YEATS2: variants seen among roughly 807,000 people sequenced by gnomAD.
The protein encoded by YEATS2 is YEATS domain containing 2, also known as YEATS domain-containing protein 2.
In YEATS2, 77 loss-of-function variants were observed where a neutral mutation model predicts 163.2. That is an observed-to-expected ratio of 0.47 (90% CI 0.39 to 0.57). The LOEUF is 0.57. YEATS2 is among the 20% of genes least tolerant of loss of function. The pLI, the probability that YEATS2 is intolerant of heterozygous loss-of-function variation, is 0.00. For missense variants in YEATS2, 1,549 were observed against 1,729.8 expected, an observed-to-expected ratio of 0.90 and a Z score of 1.85; for synonymous variants, 631 against 645.1, an observed-to-expected ratio of 0.98 and a Z score of 0.33.
intron 6 of YEATS2, among the ~76,000 whole-genome samples, chr3:183,725,467 A>G (rs1378399311): frequency 6.6e-6 from 1 of 152,140 alleles, no homozygotes; most frequent in African/African-American, 2.4e-5. Context: ...TATAAAGGAA[A>G]GAGGTTTGAT....
At chr3:183,701,138 G>A (rs1714047317) in intron 1 of YEATS2, among the ~76,000 whole-genome samples, 1 of 150,866 alleles carries the variant, frequency 6.6e-6, no homozygotes, top group Non-Finnish European at 1.5e-5. Flanking sequence ...CTGGAGTGCA[G>A]TGGCGCAATC....
intron 26 of YEATS2, 168 bp from the exon 27 acceptor site, chr3:183,803,819 G>GA: frequency 1.5e-6 from 1 of 687,118 alleles, no homozygotes; most frequent in Non-Finnish European, 2.4e-6. Flanking sequence ...TAGCATTAGG[G>GA]AAGTTCGACT....
rs1715674683 is a variant in YEATS2, at chr3:183,714,919, T to G, written c.-19-225T>G. On this transcript the variant is annotated intron_variant, in intron 1 of 30. Coordinates refer to ENST00000305135, the MANE Select transcript of YEATS2 (RefSeq NM_018023.5). ...TAACAGATGATTATGATTTCTTTTT[T>G]TTTTTTGGTGGAAACTTTTAAACTT... 2.0e-5 allele frequency among the ~76,000 whole-genome samples: 3 copies of G among 152,158 alleles called. No homozygotes were observed. In the South Asian group the frequency reaches 6.2e-4, roughly 32 times the overall value.
At chr3:183,779,302 C>T (rs931174129) in intron 19 of YEATS2, among the ~76,000 whole-genome samples, 1 of 152,176 alleles carries the variant, frequency 6.6e-6, no homozygotes, top group Non-Finnish European at 1.5e-5. Flanking sequence ...TTCAAATTAC[C>T]AGCATTTGGT....
chr3:183,702,482 C>T (rs1714199845), intron 1 of YEATS2, among the ~76,000 whole-genome samples: 1 of 151,766 alleles, frequency 6.6e-6, no homozygotes, highest in African/African-American at 2.4e-5. Flanking sequence ...TCTCAAACCC[C>T]TTAAACATCC....
intron 24 of YEATS2, 37 bp downstream of exon 24, chr3:183,800,605 C>T (rs1450279279): frequency 2.0e-5 from 31 of 1,571,122 alleles, no homozygotes; most frequent in African/African-American, 2.7e-5. Flanking sequence ...AATTCCGCTT[C>T]GGGTGTTTGT....
At chr3:183,700,409 A>G (rs770908949) in intron 1 of YEATS2, among the ~76,000 whole-genome samples, 3 of 152,068 alleles carry the variant, frequency 2.0e-5, no homozygotes, top group Admixed American at 1.3e-4. Context: ...CTTCTCATCA[A>G]CTACGGATTT....
Position 183,809,079 on chromosome 3 carries a change from C to A in YEATS2, c.4087-18C>A. The A allele has an allele frequency of 6.2e-7, 1 of 1,613,750 alleles. No homozygotes were observed. Among genetic ancestry groups the A allele is most frequent in the South Asian group, 1.1e-5 (1 of 91,082 alleles). On this transcript the variant is annotated intron_variant, in intron 29 of 30. Transcript: ENST00000305135. ...AAGCAGATGGCCATTTGAAGAATAA[C>A]AGCATCTTCCATTGTAGGCTACAGA...
chr3:183,737,064 T>C (rs562644666), intron 8 of YEATS2, among the ~76,000 whole-genome samples: 1 of 152,334 alleles, frequency 6.6e-6, no homozygotes, highest in African/African-American at 2.4e-5. Flanking sequence ...ACTATATTCT[T>C]ACAATAAAGT....
In YEATS2 at chr3:183,744,408, C is replaced by T. The variant is rs770601423; in HGVS notation, c.925-3264C>T. ...CTGGGATTACAGGCGTGAGCCACTG[C>T]GCCTGGCCAGTTTTACTTTCTTTTA... On this transcript the variant is annotated intron_variant, in intron 8 of 30. Coordinates refer to ENST00000305135, the MANE Select transcript of YEATS2 (RefSeq NM_018023.5). 3.3e-5 allele frequency among the ~76,000 whole-genome samples: 5 copies of T among 152,130 alleles called. No homozygotes were observed. In the South Asian group the frequency reaches 6.2e-4, roughly 19 times the overall value.
intron 11 of YEATS2, among the ~76,000 whole-genome samples, chr3:183,755,713 T>C (rs1720654924): frequency 6.7e-6 from 1 of 149,482 alleles, no homozygotes; most frequent in Non-Finnish European, 1.5e-5. Flanking sequence ...AATCTAGCTG[T>C]TTACTTACTG....
chr3:183,714,857 C>G (rs1715667043), intron 1 of YEATS2, among the ~76,000 whole-genome samples: 1 of 151,300 alleles, frequency 6.6e-6, no homozygotes, highest in African/African-American at 2.4e-5. Context: ...CTACTTTGTT[C>G]AAGGATTTTT....
intron 21 of YEATS2, among the ~76,000 whole-genome samples, chr3:183,797,027 G>T (rs1725213495): frequency 1.3e-5 from 2 of 152,114 alleles, no homozygotes; most frequent in Admixed American, 6.5e-5. Context: ...CCAGCACTTT[G>T]GGAGGCCTAG....
intron 28 of YEATS2, chr3:183,807,539 C>A (rs1008028210): frequency 7.7e-5 from 18 of 234,804 alleles, no homozygotes; most frequent in Non-Finnish European, 4.2e-5. Flanking sequence ...AGATGGCGTG[C>A]ACCTGCCTTA....
intron 1 of YEATS2, among the ~76,000 whole-genome samples, chr3:183,709,746 C>T (rs1333014085): frequency 2.7e-5 from 4 of 147,888 alleles, no homozygotes; most frequent in Non-Finnish European, 5.9e-5. Context: ...GGCGTGATCT[C>T]GGCTCACTGC....
chr3:183,803,591 A>T (rs1725897782), intron 26 of YEATS2: 1 of 538,782 alleles, frequency 1.9e-6, no homozygotes, highest in East Asian at 3.3e-5. Flanking sequence ...TCGAGTATTG[A>T]GTCCTTACAG....
chr3:183,798,308 A>C lies in YEATS2; in HGVS notation c.3226+257A>C, dbSNP rs1368423677. Among the ~76,000 whole-genome samples, 4 of 152,038 alleles carry C rather than the reference A, an allele frequency of 2.6e-5. No individual in the cohort carries two copies. In the East Asian group the frequency reaches 7.7e-4, roughly 29 times the overall value. On this transcript the variant is annotated intron_variant, in intron 22 of 30. Transcript: ENST00000305135. The stretch of plus-strand genomic sequence containing the variant: ...CTTATCTAAAGTTGAGTTGAGGGGG[A>C]ACATTTTAAGTGTTTATAAGAATTT...
At chr3:183,713,881 C>T (rs1468313531) in intron 1 of YEATS2, among the ~76,000 whole-genome samples, 1 of 152,196 alleles carries the variant, frequency 6.6e-6, no homozygotes, top group Non-Finnish European at 1.5e-5. Context: ...TCTCGGCTCA[C>T]TGCAACCGCT....
rs552235695 is a variant in YEATS2 at position 183,793,074 on chromosome 3, C to T, written c.3097+2094C>T. 30 of 1,168,756 alleles carry T rather than the reference C, an allele frequency of 2.6e-5. No homozygotes were observed. In the African/African-American group the frequency reaches 2.7e-4, roughly 10 times the overall value. 72.4% of individuals were successfully genotyped at this position (1,168,756 alleles called of 1,614,324 possible). A position where few individuals can be genotyped will look rare whatever the true frequency, so the allele number is the denominator to read the frequency against. ...TATAATAAAAATGTCGCAGCACTATCGAACTGTTAAAGTTTCTAAATACTG... is the reference window on the plus strand; with the variant it reads ...TATAATAAAAATGTCGCAGCACTATTGAACTGTTAAAGTTTCTAAATACTG... On this transcript the variant is annotated intron_variant, in intron 21 of 30. Coordinates refer to ENST00000305135, the MANE Select transcript of YEATS2 (RefSeq NM_018023.5).
Sources: gnomAD v4.1 joint callset for allele counts (sites outside exome capture counted in the v4.1 genomes callset) on GRCh38, gnomAD v4.1.1 for gene constraint, MANE v1.5 for transcripts, NCBI Gene and HGNC (gene_info 2026-07-23, HGNC 2026-07-21) for gene names.